MYH11: variants seen among roughly 807,000 people sequenced by gnomAD.
The protein encoded by MYH11 is myosin-11.
MYH11 carries 80 observed loss-of-function variants against 246.6 expected under a neutral mutation model. That is an observed-to-expected ratio of 0.32 (90% CI 0.27 to 0.39). MYH11 has a LOEUF of 0.39. Ranked by LOEUF, MYH11 falls within the 10% of genes least tolerant of loss-of-function variation. The pLI, the probability that MYH11 is intolerant of heterozygous loss-of-function variation, is 1.00. For synonymous variants in MYH11, 1,071 were observed against 1,015.5 expected, an observed-to-expected ratio of 1.05 and a Z score of -1.04; for missense variants, 2,158 against 2,546.8, an observed-to-expected ratio of 0.85 and a Z score of 3.29.
intron 9 of MYH11, among the ~76,000 whole-genome samples, chr16:15,767,411 G>C (rs2042007625): frequency 6.6e-6 from 1 of 152,164 alleles, no homozygotes; most frequent in South Asian, 2.1e-4. Flanking sequence ...ACCTATATTA[G>C]GTTGAATGTT....
At position 15,750,064 on chromosome 16, in the gene MYH11, G is replaced by T; in HGVS notation, c.2058+74C>A. 3 of 1,580,300 alleles carry T rather than the reference G, an allele frequency of 1.9e-6. No homozygotes were observed. The highest frequency in any genetic ancestry group is 2.6e-6 in the Non-Finnish European group (3 of 1,154,316). On this transcript the variant is annotated intron_variant, in intron 16 of 40. Coordinates refer to ENST00000300036, the MANE Select transcript of MYH11 (RefSeq NM_002474.3). This position sits in a 1 kb window ranked among gnomAD's most constrained non-coding sequence, Gnocchi z 4.3. ...CTCGGGGTAGGTGGGGGCAGAGGGC[G>T]CCCTGGGGACGCTGTGACCGCTTGG...
At chr16:15,788,580 G>A (rs543759201) in intron 4 of MYH11, among the ~76,000 whole-genome samples, 1 of 152,272 alleles carries the variant, frequency 6.6e-6, no homozygotes, top group African/African-American at 2.4e-5. Flanking sequence ...CCAAATTGCT[G>A]TGCCTAATCC....
chr16:15,830,573 C>T (rs866991083), intron 2 of MYH11, among the ~76,000 whole-genome samples: 4 of 151,992 alleles, frequency 2.6e-5, no homozygotes, highest in Admixed American at 6.6e-5. Context: ...TATGTGGCTG[C>T]ATGTGTATAA....
chr16:15,721,110 A>G, intron 32 of MYH11, 59 bp from the exon 33 acceptor site: 1 of 1,582,606 alleles, frequency 6.3e-7, no homozygotes, highest in Non-Finnish European at 8.6e-7. Context: ...GACGATTGAG[A>G]AACCCACCGT....
chr16:15,732,271 T>TA lies in MYH11; in HGVS notation c.3651+292dup, dbSNP rs1185713817. Among the ~76,000 whole-genome samples the TA allele has an allele frequency of 2.6e-5, 4 of 152,062 alleles. No individual in the cohort carries two copies. In the East Asian group the frequency reaches 7.8e-4, roughly 30 times the overall value. On this transcript the variant is annotated intron_variant, in intron 27 of 40. Coordinates refer to ENST00000300036, the MANE Select transcript of MYH11 (RefSeq NM_002474.3). ...AGCCACCACGCCTGGCCTACTTTTTTAAAATTTTAGTAGAAACAAGGTCTC... is the reference window on the plus strand; with the variant it reads ...AGCCACCACGCCTGGCCTACTTTTTTAAAAATTTTAGTAGAAACAAGGTCTC...
At chr16:15,807,873 C>G (rs1024341779) in intron 3 of MYH11, among the ~76,000 whole-genome samples, 1 of 152,218 alleles carries the variant, frequency 6.6e-6, no homozygotes, top group Non-Finnish European at 1.5e-5. Flanking sequence ...CAGCTCCCCA[C>G]AGACCAGCTA....
At position 15,828,498 on chromosome 16, in the gene MYH11, G is replaced by A. The variant is rs80272815; in HGVS notation, c.346-5087C>T. Among the ~76,000 whole-genome samples, 144 of 152,136 alleles carry A rather than the reference G, an allele frequency of 9.5e-4. No homozygotes were observed. In the East Asian group the frequency reaches 0.021, roughly 22 times the overall value. On this transcript the variant is annotated intron_variant, in intron 2 of 40. Transcript: ENST00000300036. Reference sequence around the variant, plus strand: ...CACACTACTGTATCTCCTGCACCCCGCACAGTGCCAGGGACAGGGTAGACA... The same window carrying A: ...CACACTACTGTATCTCCTGCACCCCACACAGTGCCAGGGACAGGGTAGACA...
rs761220786 is a variant in MYH11, at chr16:15,767,937, AT to A, written c.1033+3631del. 1.6e-3 allele frequency among the ~76,000 whole-genome samples: 222 copies of A among 134,982 alleles called. 1 individual carries two copies. Among genetic ancestry groups the A allele is most frequent in the East Asian group, 4.9e-3 (21 of 4,260 alleles). 88.6% of individuals were successfully genotyped at this position (134,982 alleles called of 152,430 possible). On this transcript the variant is annotated intron_variant, in intron 9 of 40. Coordinates refer to ENST00000300036, the MANE Select transcript of MYH11 (RefSeq NM_002474.3). Reference sequence around the variant, plus strand: ...CATCTTGTCTTTTAAAAAAAAAAAAATTTTTTTTTTTTAAATTTTTAGTAGA... The same window carrying A: ...CATCTTGTCTTTTAAAAAAAAAAAAATTTTTTTTTTTAAATTTTTAGTAGA...
intron 1 of MYH11, among the ~76,000 whole-genome samples, chr16:15,848,226 GTCT>G (rs1231400311): frequency 1.7e-5 from 2 of 118,122 alleles, no homozygotes; most frequent in Non-Finnish European, 3.4e-5. Context: ...TAGTTGCTAA[GTCT>G]TTTTTTTTTT....
chr16:15,826,105 A>T (rs1253698788), intron 2 of MYH11, among the ~76,000 whole-genome samples: 1 of 152,140 alleles, frequency 6.6e-6, no homozygotes, highest in Non-Finnish European at 1.5e-5. Context: ...TATCCAGCCT[A>T]GGCCCATCCA....
Position 15,780,474 on chromosome 16 carries a change from C to CTTTTTTT in MYH11, c.727-1638_727-1632dup, listed in dbSNP as rs71134460. 3.0e-4 allele frequency among the ~76,000 whole-genome samples: 21 copies of CTTTTTTT among 69,008 alleles called. 2 individuals carry two copies. Among genetic ancestry groups the CTTTTTTT allele is most frequent in the South Asian group, 2.1e-3 (3 of 1,450 alleles). 45.3% of individuals were successfully genotyped at this position (69,008 alleles called of 152,430 possible). On this transcript the variant is annotated intron_variant, in intron 6 of 40. Coordinates refer to ENST00000300036, the MANE Select transcript of MYH11 (RefSeq NM_002474.3). ...ACCTTTATGACTTTAGATTTTTACGCTTTTTTTTTTTTTTTTTTTTTTTTG... is the reference window on the plus strand; with the variant it reads ...ACCTTTATGACTTTAGATTTTTACGCTTTTTTTTTTTTTTTTTTTTTTTTTTTTTTTG...
intron 2 of MYH11, among the ~76,000 whole-genome samples, chr16:15,837,405 C>A (rs2043926884): frequency 6.6e-6 from 1 of 152,140 alleles, no homozygotes; most frequent in Non-Finnish European, 1.5e-5. Flanking sequence ...TGATTATTCC[C>A]ATTTTACGGA....
At chr16:15,856,452 T>C (rs2044474190) in intron 1 of MYH11, among the ~76,000 whole-genome samples, 1 of 152,148 alleles carries the variant, frequency 6.6e-6, no homozygotes, top group Non-Finnish European at 1.5e-5. Context: ...AGCCTCACTT[T>C]GCCCTTCTGT....
At chr16:15,828,973 C>G (rs2043651936) in intron 2 of MYH11, among the ~76,000 whole-genome samples, 2 of 151,828 alleles carry the variant, frequency 1.3e-5, no homozygotes, top group African/African-American at 4.8e-5. Context: ...CACTTGAGGT[C>G]AGGAGTTTGA....
In MYH11 at chr16:15,721,056, C is replaced by T. The variant is rs759760029; in HGVS notation, c.4579-5G>A. On this transcript the variant is annotated splice_region_variant and splice_polypyrimidine_tract_variant and intron_variant, in intron 32 of 40. Transcript: ENST00000300036. ...GGACTTCTCCAGCTCATGGACCTGC[C>T]GGCAGAGCGGGCAGCCCCATTCTAT... 23 of 1,613,574 alleles carry T rather than the reference C, an allele frequency of 1.4e-5. No homozygotes were observed. Among genetic ancestry groups the T allele is most frequent in the Non-Finnish European group, 1.7e-5 (20 of 1,179,992 alleles).
intron 30 of MYH11, 99 bp from the exon 31 acceptor site, chr16:15,724,508 T>C (rs1481575365): frequency 2.5e-6 from 4 of 1,607,534 alleles, no homozygotes. Context: ...TGTCTCCTCG[T>C]TGGAGAAACC....
chr16:15,836,405 T>C (rs1464517145), intron 2 of MYH11, among the ~76,000 whole-genome samples: 2 of 152,176 alleles, frequency 1.3e-5, no homozygotes, highest in Non-Finnish European at 2.9e-5. Flanking sequence ...CTTTTACTTA[T>C]GTATTTATTT....
intron 19 of MYH11, among the ~76,000 whole-genome samples, chr16:15,746,864 G>C (rs1428492803): frequency 6.6e-6 from 1 of 152,156 alleles, no homozygotes; most frequent in African/African-American, 2.4e-5. Flanking sequence ...AAGGCAGGTG[G>C]ATCACTTGAG....
chr16:15,746,667 C>T (rs1055745878), intron 19 of MYH11, among the ~76,000 whole-genome samples: 1 of 152,180 alleles, frequency 6.6e-6, no homozygotes, highest in Non-Finnish European at 1.5e-5. Flanking sequence ...CCGAACCCTT[C>T]CCCGGCTCCC....
Sources: gnomAD v4.1 joint callset for allele counts (sites outside exome capture counted in the v4.1 genomes callset) on GRCh38, gnomAD v4.1.1 for gene constraint, Gnocchi (gnomAD v3.1) non-coding constraint, MANE v1.5 for transcripts, NCBI Gene and HGNC (gene_info 2026-07-23, HGNC 2026-07-21) for gene names.